Variants in WDR45B observed in about 807,000 individuals in gnomAD.
WDR45B encodes the protein WD repeat domain 45B.
A neutral mutation model predicts 44.6 loss-of-function variants in WDR45B; 20 were observed. That is an observed-to-expected ratio of 0.45 (90% CI 0.32 to 0.65). The LOEUF is 0.65. WDR45B is among the 30% of genes least tolerant of loss of function. WDR45B has a pLI of 0.05. For synonymous variants in WDR45B, 169 were observed against 164.9 expected, an observed-to-expected ratio of 1.02 and a Z score of -0.19; for missense variants, 323 against 430.2, an observed-to-expected ratio of 0.75 and a Z score of 2.20.
chr17:82,648,207 G>C, intron 1 of WDR45B, 67 bp downstream of exon 1: 1 of 1,543,316 alleles, frequency 6.5e-7, no homozygotes, highest in Non-Finnish European at 8.8e-7. Flanking sequence ...GGAGAGGCCT[G>C]AGAGCCGGGG....
At chr17:82,617,192 T>TC in intron 8 of WDR45B, 104 bp downstream of exon 8, 1 of 1,019,458 alleles carries the variant, frequency 9.8e-7, no homozygotes, top group Non-Finnish European at 1.5e-6. Flanking sequence ...ATGAGGTCTG[T>TC]CCACACCACC....
intron 2 of WDR45B, among the ~76,000 whole-genome samples, chr17:82,635,328 T>C (rs1386485251): frequency 2.0e-5 from 3 of 151,946 alleles, no homozygotes; most frequent in Non-Finnish European, 4.4e-5. Context: ...TCAAACACTA[T>C]TTAACCGAGA....
chr17:82,646,603 T>C (rs1277506271), intron 1 of WDR45B, among the ~76,000 whole-genome samples: 1 of 151,222 alleles, frequency 6.6e-6, no homozygotes, highest in Admixed American at 6.6e-5. Context: ...ACAAGTCAGG[T>C]AGGGAGCATT....
intron 3 of WDR45B, among the ~76,000 whole-genome samples, chr17:82,627,565 CTCTCTCA>C (rs2045714859): frequency 6.6e-6 from 1 of 152,248 alleles, no homozygotes; most frequent in Non-Finnish European, 1.5e-5. Context: ...CCGCCCATTC[CTCTCTCA>C]GTGTGCACAG....
intron 5 of WDR45B, among the ~76,000 whole-genome samples, chr17:82,622,023 C>A (rs970377740): frequency 1.3e-5 from 2 of 152,124 alleles, no homozygotes; most frequent in African/African-American, 4.8e-5. Flanking sequence ...ATCTGCTGAA[C>A]AACTTTACCA....
At chr17:82,622,057 G>A (rs1048639158) in intron 5 of WDR45B, among the ~76,000 whole-genome samples, 7 of 152,036 alleles carry the variant, frequency 4.6e-5, no homozygotes, top group Non-Finnish European at 7.4e-5. Context: ...CATGGTACGC[G>A]CTACCGAAAA....
intron 3 of WDR45B, chr17:82,629,724 G>A (rs997474314): frequency 6.1e-6 from 6 of 985,276 alleles, no homozygotes; most frequent in Non-Finnish European, 7.2e-6. Context: ...AGTTCACGGG[G>A]CTCTGCTGAG....
At chr17:82,624,031 T>C (rs748401529) in intron 5 of WDR45B, among the ~76,000 whole-genome samples, 4 of 151,962 alleles carry the variant, frequency 2.6e-5, no homozygotes, top group Non-Finnish European at 5.9e-5. Context: ...AACCACAACA[T>C]GGTTGTGACC....
At chr17:82,621,930 A>T in intron 5 of WDR45B, 131 bp from the exon 6 acceptor site, 1 of 1,076,104 alleles carries the variant, frequency 9.3e-7, no homozygotes. Context: ...CACAAATTCA[A>T]TTTAAAGATT....
chr17:82,627,481 G>T (rs1397494674), intron 3 of WDR45B, among the ~76,000 whole-genome samples, 190 bp from the exon 4 acceptor site: 2 of 152,234 alleles, frequency 1.3e-5, no homozygotes, highest in Non-Finnish European at 2.9e-5. Flanking sequence ...CTGTGCCAGG[G>T]ATCCGCCCTC....
At chr17:82,636,986 G>A (rs563764410) in intron 2 of WDR45B, among the ~76,000 whole-genome samples, 1 of 151,986 alleles carries the variant, frequency 6.6e-6, no homozygotes, top group Non-Finnish European at 1.5e-5. Flanking sequence ...CAGAGATAGG[G>A]ACTGCGTTCA....
At position 82,615,851 on chromosome 17, in the gene WDR45B, G is replaced by T; in HGVS notation, c.*68C>A. On this transcript the variant is annotated 3_prime_UTR_variant, in exon 10 of 10. Transcript: ENST00000392325. ...AGCCCGTGGCCCAGGAGGCCCCTGG[G>T]GCACTGGCACCAGCCCCGAGAGTCT... 6 of 1,485,480 alleles carry T rather than the reference G, an allele frequency of 4.0e-6. No homozygotes were observed. The Admixed American group carries it at 1.0e-4, about 25-fold the overall frequency. The allele number at this position is 1,485,480 out of a possible 1,614,324, so 92.0% of individuals were successfully genotyped here.
chr17:82,646,488 C>CAAAAAAAAAAA (rs779661551), intron 1 of WDR45B, among the ~76,000 whole-genome samples: 6 of 19,948 alleles, frequency 3.0e-4, no homozygotes, highest in Non-Finnish European at 5.9e-4. Flanking sequence ...AACTCCGTCT[C>CAAAAAAAAAAA]AAAAAAAAAA....
At chr17:82,627,332 G>T in intron 3 of WDR45B, 41 bp from the exon 4 acceptor site, 1 of 1,522,272 alleles carries the variant, frequency 6.6e-7, no homozygotes, top group South Asian at 1.1e-5. Context: ...GTCATCAGCA[G>T]GCCATGGCGC....
At position 82,627,221 on chromosome 17, in the gene WDR45B, G is replaced by A. The variant is rs747391401; in HGVS notation, c.315C>T (p.Val105=). ...EIEFSTEVKA[V]KLRRDRIVVV... is the part of the protein sequence containing the mutation. ...AAACCCACCTATCTCGCCGCAGCTT[G>A]ACTGCCTTGACTTCTGTAGAAAATT... The change falls in exon 4 of 10, where the codon GTC becomes GTT. Residue 105 remains valine (V), a synonymous_variant. Transcript: ENST00000392325. The A allele has an allele frequency of 7.4e-6, 12 of 1,613,364 alleles. No individual in the cohort carries two copies. The Admixed American group carries it at 2.0e-4, about 27-fold the overall frequency.
Position 82,627,308 on chromosome 17 carries a change from A to G in WDR45B, c.245-17T>C, listed in dbSNP as rs939082760. ...AGATCATTACTGAAATATCAGAAAGAAAAGATGAATGCAGTCATCAGCAGG... is the reference window on the plus strand; with the variant it reads ...AGATCATTACTGAAATATCAGAAAGGAAAGATGAATGCAGTCATCAGCAGG... On this transcript the variant is annotated splice_polypyrimidine_tract_variant and intron_variant, in intron 3 of 9. Transcript: ENST00000392325. 3.8e-6 allele frequency: 6 copies of G among 1,592,950 alleles called. No homozygotes were observed. The African/African-American group carries it at 4.0e-5, about 11-fold the overall frequency.
intron 5 of WDR45B, among the ~76,000 whole-genome samples, chr17:82,624,049 C>T (rs553033437): frequency 7.9e-5 from 12 of 152,080 alleles, no homozygotes; most frequent in African/African-American, 1.2e-4. Flanking sequence ...ACCGGGCAGT[C>T]GAACCCTCAG....
At chr17:82,640,868 G>A (rs967999501) in intron 2 of WDR45B, among the ~76,000 whole-genome samples, 1 of 152,140 alleles carries the variant, frequency 6.6e-6, no homozygotes, top group Admixed American at 6.5e-5. Flanking sequence ...ACACAGCCGA[G>A]CTGGCAGACG....
At chr17:82,632,831 C>T (rs1160929838) in intron 2 of WDR45B, among the ~76,000 whole-genome samples, 1 of 152,050 alleles carries the variant, frequency 6.6e-6, no homozygotes, top group African/African-American at 2.4e-5. Context: ...AGTTCAAGGC[C>T]ATCCTGGGCA....
Sources: allele counts gnomAD v4.1 joint callset (sites outside exome capture counted in the v4.1 genomes callset), GRCh38; gene constraint gnomAD v4.1.1; transcripts MANE v1.5; gene names NCBI Gene and HGNC (gene_info 2026-07-23, HGNC 2026-07-21).